Variants in BCAS3 observed in about 807,000 individuals in gnomAD.
The protein encoded by BCAS3 is BCAS3 microtubule associated cell migration factor.
BCAS3 carries 53 observed loss-of-function variants against 116.1 expected under a neutral mutation model. The observed-to-expected ratio is 0.46, with a 90% confidence interval of 0.37 to 0.57. The LOEUF (loss-of-function observed/expected upper bound fraction) is 0.57, where lower values mean the gene tolerates loss of function less well. Ranked by LOEUF, BCAS3 falls within the 20% of genes least tolerant of loss-of-function variation. The probability of loss-of-function intolerance (pLI) is 0.00; values close to 1 mark genes in which losing one functional copy is unlikely to be tolerated. For missense variants in BCAS3, 917 were observed against 1,165.4 expected (o/e 0.79, Z 3.10); for synonymous variants, 391 against 408.2 (o/e 0.96, Z 0.51).
At chr17:61,187,974 A>T (rs1011738334) in intron 22 of BCAS3, among the ~76,000 whole-genome samples, 3 of 151,872 alleles carry the variant, frequency 2.0e-5, no homozygotes, top group Non-Finnish European at 4.4e-5. Flanking sequence ...TTCTATTCAG[A>T]TTTCTTTCTA....
At chr17:60,795,990 G>A (rs778171562) in intron 6 of BCAS3, among the ~76,000 whole-genome samples, 6 of 152,144 alleles carry the variant, frequency 3.9e-5, no homozygotes, top group Middle Eastern at 3.4e-3. Context: ...ACTCCCTGCC[G>A]TGATTTTTGT....
chr17:61,256,342 C>T lies in BCAS3; in HGVS notation c.2426-111985C>T, dbSNP rs1429528687. Among the ~76,000 whole-genome samples the T allele has an allele frequency of 2.0e-5, 3 of 152,066 alleles. No homozygotes were observed. Among genetic ancestry groups the T allele is most frequent in the Non-Finnish European group, 2.9e-5 (2 of 68,016 alleles). On this transcript the variant is annotated intron_variant, in intron 22 of 23. Transcript: ENST00000407086. The surrounding 1 kb of genome is among the most constrained non-coding windows in gnomAD (Gnocchi z 5.6). Reference sequence around the variant, plus strand: ...TTTTTGAGGCAGAGTTTCACTCTCTCGCCCAGGCTGGAGTGCAGCGGTGTG... The same window carrying T: ...TTTTTGAGGCAGAGTTTCACTCTCTTGCCCAGGCTGGAGTGCAGCGGTGTG...
rs937768294 is a variant in BCAS3, at chr17:61,032,038, C to T, written c.1638-2628C>T. 3.3e-5 allele frequency among the ~76,000 whole-genome samples: 5 copies of T among 151,954 alleles called. No individual in the cohort carries two copies. Among genetic ancestry groups the T allele is most frequent in the Non-Finnish European group, 7.4e-5 (5 of 67,940 alleles). ...ATTAGACTCTAAACTAGTAAACATA[C>T]AAAAAATATTTTTTGTATGTCAAAA... On this transcript the variant is annotated intron_variant, in intron 16 of 23. Transcript: ENST00000407086. The surrounding 1 kb of genome is among the most constrained non-coding windows in gnomAD (Gnocchi z 4.6).
At chr17:61,038,143 T>C in intron 18 of BCAS3, 89 bp downstream of exon 18, 1 of 1,168,130 alleles carries the variant, frequency 8.6e-7, no homozygotes, top group Non-Finnish European at 1.2e-6. Flanking sequence ...TTGACATGCA[T>C]ACAGCTACGA....
intron 6 of BCAS3, among the ~76,000 whole-genome samples, chr17:60,800,873 G>T (rs1248533239): frequency 6.6e-6 from 1 of 151,804 alleles, no homozygotes. Context: ...AAATCATTTG[G>T]CCATATTTGT....
intron 6 of BCAS3, chr17:60,748,961 A>G (rs1317003612): frequency 6.6e-6 from 1 of 152,244 alleles, no homozygotes; most frequent in Non-Finnish European, 1.5e-5. Context: ...CGAGTGCAGT[A>G]GTGAGAAGGG....
chr17:60,800,526 G>A (rs2047678361), intron 6 of BCAS3, among the ~76,000 whole-genome samples: 2 of 152,148 alleles, frequency 1.3e-5, no homozygotes, highest in South Asian at 2.1e-4. Context: ...ATTTTTTCAA[G>A]TGTGGATGTA....
At chr17:61,231,769 T>A (rs2082691692) in intron 22 of BCAS3, among the ~76,000 whole-genome samples, 1 of 150,412 alleles carries the variant, frequency 6.6e-6, no homozygotes, top group South Asian at 2.1e-4. Flanking sequence ...TCCCAGCTAC[T>A]CAGGGGGCTG....
intron 13 of BCAS3, among the ~76,000 whole-genome samples, chr17:60,946,640 T>TGGCTCATGCC (rs1278852805): frequency 6.6e-6 from 1 of 152,306 alleles, no homozygotes; most frequent in Admixed American, 6.5e-5. Context: ...CTGGGCACGG[T>TGGCTCATGCC]GGCTCATGCC....
rs2048118179 is a variant in BCAS3 at position 61,248,153 on chromosome 17, T to A, written c.2426-120174T>A. Among the ~76,000 whole-genome samples the A allele has an allele frequency of 2.0e-5, 3 of 152,216 alleles. No homozygotes were observed. The South Asian group carries it at 6.2e-4, about 32-fold the overall frequency. On this transcript the variant is annotated intron_variant, in intron 22 of 23. Transcript: ENST00000407086. This position sits in a 1 kb window ranked among gnomAD's most constrained non-coding sequence, Gnocchi z 4.3. Reference sequence around the variant, plus strand: ...AGCTTTCTGCTTTTCTGAGCACTTCTTGGATCCTTTCCCCAACAAAGCCAC... The same window carrying A: ...AGCTTTCTGCTTTTCTGAGCACTTCATGGATCCTTTCCCCAACAAAGCCAC...
intron 15 of BCAS3, among the ~76,000 whole-genome samples, chr17:60,996,807 A>C (rs531686382): frequency 3.6e-4 from 55 of 152,346 alleles, no homozygotes; most frequent in Middle Eastern, 6.8e-3. Flanking sequence ...AGTGACATAC[A>C]AAGCAAAACT....
chr17:61,297,970 C>T lies in BCAS3; in HGVS notation c.2426-70357C>T, dbSNP rs533843861. 3.7e-4 allele frequency among the ~76,000 whole-genome samples: 56 copies of T among 152,200 alleles called. 2 individuals are homozygous for T. The highest frequency in any genetic ancestry group is 3.2e-4 in the Non-Finnish European group (22 of 68,036). On this transcript the variant is annotated intron_variant, in intron 22 of 23. Coordinates refer to ENST00000407086, the MANE Select transcript of BCAS3 (RefSeq NM_017679.5). Reference sequence around the variant, plus strand: ...GCAAAATGAACTAGCAGCTGAGCAGCTAACTTGGGTCTCCCTGCAGCTTCA... The same window carrying T: ...GCAAAATGAACTAGCAGCTGAGCAGTTAACTTGGGTCTCCCTGCAGCTTCA...
chr17:61,202,059 C>CTTTTTTTTT (rs35961240), intron 22 of BCAS3, among the ~76,000 whole-genome samples: 42 of 70,280 alleles, frequency 6.0e-4, no homozygotes, highest in Admixed American at 7.5e-4. Flanking sequence ...TGCCCGGCCT[C>CTTTTTTTTT]TTTTTTTTTT....
At chr17:61,153,220 T>C (rs1216660275) in intron 22 of BCAS3, among the ~76,000 whole-genome samples, 1 of 152,194 alleles carries the variant, frequency 6.6e-6, no homozygotes, top group African/African-American at 2.4e-5. Context: ...TAACTTGTTG[T>C]TCCCATAATA....
At chr17:61,081,974 A>G (rs1379389043) in intron 21 of BCAS3, among the ~76,000 whole-genome samples, 1 of 152,170 alleles carries the variant, frequency 6.6e-6, no homozygotes, top group African/African-American at 2.4e-5. Flanking sequence ...CAATAATAAT[A>G]TGTAGTGCAG....
intron 14 of BCAS3, among the ~76,000 whole-genome samples, chr17:60,985,589 G>A (rs2063090831): frequency 6.6e-6 from 1 of 152,124 alleles, no homozygotes; most frequent in African/African-American, 2.4e-5. Flanking sequence ...CAGTCACCCT[G>A]TTGTGCTATC....
chr17:60,968,369 C>T (rs1352799246), intron 14 of BCAS3, among the ~76,000 whole-genome samples: 2 of 152,006 alleles, frequency 1.3e-5, no homozygotes, highest in Non-Finnish European at 2.9e-5. Context: ...GCACGTGACA[C>T]CATACCTGGC....
At chr17:60,824,425 G>T (rs1015550261) in intron 7 of BCAS3, among the ~76,000 whole-genome samples, 1 of 152,072 alleles carries the variant, frequency 6.6e-6, no homozygotes, top group Admixed American at 6.6e-5. Flanking sequence ...TTCCTTCTCT[G>T]ATTCTTTCCC....
rs1280545440 is a variant in BCAS3, at chr17:61,131,456, TTAAA to T, written c.2425+46898_2425+46901del. 6.6e-6 allele frequency among the ~76,000 whole-genome samples: 1 copy of T among 152,230 alleles called. No homozygotes were observed. The highest frequency in any genetic ancestry group is 1.5e-5 in the Non-Finnish European group (1 of 68,044). On this transcript the variant is annotated intron_variant, in intron 22 of 23. Coordinates refer to ENST00000407086, the MANE Select transcript of BCAS3 (RefSeq NM_017679.5). This position sits in a 1 kb window ranked among gnomAD's most constrained non-coding sequence, Gnocchi z 4.4. ...AGCCAGGGGTATAAATTACAATTCG[TTAAA>T]TAAATTCATAATATATTTTATACGC... is the stretch of plus-strand genomic sequence containing the variant.
Sources: allele counts gnomAD v4.1 joint callset (sites outside exome capture counted in the v4.1 genomes callset), GRCh38; gene constraint gnomAD v4.1.1; non-coding constraint Gnocchi (gnomAD v3.1); transcripts MANE v1.5; gene names NCBI Gene and HGNC (gene_info 2026-07-23, HGNC 2026-07-21).